The following CTC1 variants were observed in gnomAD, a reference collection of about 807,000 sequenced individuals.
The protein encoded by CTC1 is CST complex subunit CTC1.
In CTC1, 91 loss-of-function variants were observed where a neutral mutation model predicts 136.3. That is an observed-to-expected ratio of 0.67 (90% CI 0.56 to 0.79). The LOEUF (loss-of-function observed/expected upper bound fraction) is 0.79, where lower values mean the gene tolerates loss of function less well. Among genes scored for constraint, CTC1 ranks in the 30% least tolerant of loss-of-function variants. CTC1 has a pLI of 0.00. For synonymous variants in CTC1, 606 were observed against 613.8 expected (o/e 0.99, Z 0.19); for missense variants, 1,432 against 1,498.1 (o/e 0.96, Z 0.73).
intron 20 of CTC1, 103 bp downstream of exon 20, chr17:8,229,039 A>G (rs922437128): frequency 7.4e-6 from 11 of 1,478,268 alleles, no homozygotes; most frequent in Non-Finnish European, 1.0e-5. Flanking sequence ...AAAAATATTA[A>G]GCAATTCTCA....
rs766547481 is a variant in CTC1, at chr17:8,237,606, A to AGTAAGCT, written c.648-94_648-88dup. On this transcript the variant is annotated intron_variant, in intron 4 of 22. Transcript: ENST00000651323. ...CTTGAACCTGAAAGGCAGAGGTTGCAGTAAGCTGAGATCCCGCCATTGGAC... is the reference window on the plus strand; with the variant it reads ...CTTGAACCTGAAAGGCAGAGGTTGCAGTAAGCTGTAAGCTGAGATCCCGCCATTGGAC... 6.8e-4 allele frequency: 700 copies of AGTAAGCT among 1,032,162 alleles called. 3 individuals carry two copies. The highest frequency in any genetic ancestry group is 7.0e-4 in the Non-Finnish European group (510 of 732,932). The allele number at this position is 1,032,162 out of a possible 1,614,324, so 63.9% of individuals were successfully genotyped here.
rs1237219487 is a variant in CTC1 at position 8,230,659 on chromosome 17, G to C, written c.2670-8C>G. 6.2e-7 allele frequency: 1 copy of C among 1,613,036 alleles called. No individual in the cohort carries two copies. Among genetic ancestry groups the C allele is most frequent in the Admixed American group, 1.7e-5 (1 of 60,018 alleles). On this transcript the variant is annotated splice_polypyrimidine_tract_variant and splice_region_variant and intron_variant, in intron 15 of 22. Coordinates refer to ENST00000651323, the MANE Select transcript of CTC1 (RefSeq NM_025099.6). Reference sequence around the variant, plus strand: ...ACCAAGGAATCTGTGAAACTGGAAGGTCAGGGAAATACACTGAGAATGGAG... The same window carrying C: ...ACCAAGGAATCTGTGAAACTGGAAGCTCAGGGAAATACACTGAGAATGGAG...
At position 8,228,000 on chromosome 17, in the gene CTC1, G is replaced by C; in HGVS notation, c.*180C>G. On this transcript the variant is annotated 3_prime_UTR_variant, in exon 23 of 23. Transcript: ENST00000651323. ...ATTAATAGGGCCATGATTTCCTGTTGCCACAATTTTGCCAAGGCAGGCTGG... is the reference window on the plus strand; with the variant it reads ...ATTAATAGGGCCATGATTTCCTGTTCCCACAATTTTGCCAAGGCAGGCTGG... 1.7e-6 allele frequency: 1 copy of C among 604,182 alleles called. No individual in the cohort carries two copies. The highest frequency in any genetic ancestry group is 2.9e-6 in the Non-Finnish European group (1 of 347,794). 37.4% of individuals were successfully genotyped at this position (604,182 alleles called of 1,614,324 possible).
intron 10 of CTC1, among the ~76,000 whole-genome samples, chr17:8,233,709 A>G (rs1987441500): frequency 6.6e-6 from 1 of 152,140 alleles, no homozygotes; most frequent in Non-Finnish European, 1.5e-5. Flanking sequence ...GCAAGGTTGC[A>G]GTGAGCCAAG....
At chr17:8,243,651 G>A (rs1243734028) in intron 1 of CTC1, among the ~76,000 whole-genome samples, 1 of 152,168 alleles carries the variant, frequency 6.6e-6, no homozygotes, top group African/African-American at 2.4e-5. Flanking sequence ...ATCCAGCTTT[G>A]GTCTTGCCCC....
In CTC1 at chr17:8,228,772, T is replaced by G; in HGVS notation, c.3342A>C (p.Pro1114=). The G allele has an allele frequency of 6.2e-7, 1 of 1,614,156 alleles. No individual in the cohort carries two copies. The highest frequency in any genetic ancestry group is 8.5e-7 in the Non-Finnish European group (1 of 1,180,004). ...WASLLDFVQV[P]GRVVLQFAGP... The stretch of plus-strand genomic sequence containing the variant: ...CTGCAAACTGCAAGACCACTCTGCC[T>G]GGCACTTGGACGAAATCTAGGAGGG... Residue 1114 remains proline, a synonymous_variant, in exon 21 of 23, where the codon CCA becomes CCC. Transcript: ENST00000651323.
intron 1 of CTC1, among the ~76,000 whole-genome samples, chr17:8,245,274 G>A (rs552402741): frequency 1.3e-5 from 2 of 152,096 alleles, no homozygotes; most frequent in South Asian, 4.1e-4. Flanking sequence ...ACCTGCGCAC[G>A]TCCCCCTGAA....
chr17:8,232,330 C>T (rs377115565), intron 12 of CTC1, 31 bp downstream of exon 12: 1 of 1,602,456 alleles, frequency 6.2e-7, no homozygotes, highest in African/African-American at 1.3e-5. Context: ...TCCCCCCAGA[C>T]TCAAGACAAC....
At chr17:8,228,924 A>G (rs1301784701) in intron 20 of CTC1, 32 bp from the exon 21 acceptor site, 2 of 1,584,220 alleles carry the variant, frequency 1.3e-6, no homozygotes, top group East Asian at 2.2e-5. Context: ...AAAAACGCCT[A>G]TAGCAACCCA....
At chr17:8,244,529 C>G (rs1165258847) in intron 1 of CTC1, among the ~76,000 whole-genome samples, 1 of 145,642 alleles carries the variant, frequency 6.9e-6, no homozygotes, top group Admixed American at 6.9e-5. Context: ...TCACATTCCT[C>G]TTTTTTTTTT....
At position 8,228,209 on chromosome 17, in the gene CTC1, A is replaced by G; in HGVS notation, c.3625T>C (p.Ser1209Pro). ...LSIRESEYSS[S>P]LGILASSC is the part of the protein sequence containing the mutation. ...CAGGAGGAAGCAAGGATCCCCAGAG[A>G]GCTGGAGTACTCTGACTCTCGGATA... Residue 1209 changes from serine to proline, a missense_variant, in exon 23 of 23, where the codon TCT becomes CCT. By Grantham distance (74) the Ser-to-Pro change is moderately conservative. Coordinates refer to ENST00000651323, the MANE Select transcript of CTC1 (RefSeq NM_025099.6). The G allele has an allele frequency of 1.9e-6, 3 of 1,614,012 alleles. No individual in the cohort carries two copies. The highest frequency in any genetic ancestry group is 1.1e-5 in the South Asian group (1 of 91,078).
rs748695989 is a variant in CTC1, at chr17:8,235,886, G to A, written c.1151C>T (p.Ala384Val). ...ELDGQLGLCL[A>V]YQQFRGLRRV... ...CCTAAGGCCACGGAACTGCTGGTAG[G>A]CAAGGCAGAGCCCCAGCTGCCCATC... The change falls in exon 7 of 23, where the codon GCC (alanine) becomes GTC (valine). Residue 384 changes from alanine (A) to valine (V), a missense_variant. Physicochemically the swap from Ala to Val is moderately conservative, Grantham distance 64 (BLOSUM62 0). Coordinates refer to ENST00000651323, the MANE Select transcript of CTC1 (RefSeq NM_025099.6). The A allele has an allele frequency of 2.5e-6, 4 of 1,613,792 alleles. No homozygotes were observed. The South Asian group carries it at 3.3e-5, about 13-fold the overall frequency.
rs1986878313 is a variant in CTC1, at chr17:8,228,198, G to A, written c.3636C>T (p.Ile1212=). The change falls in exon 23 of 23, where the codon ATC becomes ATT. Residue 1212 remains isoleucine (I), a synonymous_variant. Transcript: ENST00000651323. ...RESEYSSSLG[I]LASSC Reference sequence around the variant, plus strand: ...AGTTCAGTTAACAGGAGGAAGCAAGGATCCCCAGAGAGCTGGAGTACTCTG... The same window carrying A: ...AGTTCAGTTAACAGGAGGAAGCAAGAATCCCCAGAGAGCTGGAGTACTCTG... The A allele has an allele frequency of 6.2e-7, 1 of 1,614,040 alleles. No individual in the cohort carries two copies. The highest frequency in any genetic ancestry group is 1.3e-5 in the African/African-American group (1 of 75,012).
Position 8,244,769 on chromosome 17 carries a change from C to T in CTC1, c.34-1621G>A, listed in dbSNP as rs902520435. On this transcript the variant is annotated intron_variant, in intron 1 of 22. Coordinates refer to ENST00000651323, the MANE Select transcript of CTC1 (RefSeq NM_025099.6). ...TTCGAACTCCTGAACTCAAGTGATCCGCCCGCCTCAGCCTCCCAAAGTGCC... is the reference window on the plus strand; with the variant it reads ...TTCGAACTCCTGAACTCAAGTGATCTGCCCGCCTCAGCCTCCCAAAGTGCC... Among the ~76,000 whole-genome samples, 9 of 152,168 alleles carry T rather than the reference C, an allele frequency of 5.9e-5. No individual in the cohort carries two copies. The East Asian group carries it at 1.4e-3, about 23-fold the overall frequency.
In CTC1 at chr17:8,227,099, A is replaced by G. The variant is rs529433541; in HGVS notation, c.*1081T>C. 2.0e-5 allele frequency: 3 copies of G among 150,686 alleles called. No homozygotes were observed. In the South Asian group the frequency reaches 6.2e-4, roughly 31 times the overall value. The allele number at this position is 150,686 out of a possible 1,614,324, so 9.3% of individuals were successfully genotyped here. A position where few individuals can be genotyped will look rare whatever the true frequency, so the allele number is the denominator to read the frequency against. On this transcript the variant is annotated 3_prime_UTR_variant, in exon 23 of 23. Transcript: ENST00000651323. ...CCGGGTCTACTTCAAATCTTAATAT[A>G]GGGTATTGCTACCATAAAAGCAGCA...
chr17:8,235,722 C>G, intron 7 of CTC1, 109 bp downstream of exon 7: 1 of 1,279,288 alleles, frequency 7.8e-7, no homozygotes, highest in South Asian at 1.6e-5. Flanking sequence ...CTAACACACA[C>G]TTTTAATTTC....
At chr17:8,245,474 C>A (rs912855682) in intron 1 of CTC1, among the ~76,000 whole-genome samples, 4 of 152,166 alleles carry the variant, frequency 2.6e-5, no homozygotes, top group Admixed American at 2.0e-4. Context: ...CCGACTCTCA[C>A]GCTTTTTGTC....
intron 2 of CTC1, 130 bp downstream of exon 2, chr17:8,242,855 G>A: frequency 1.5e-6 from 1 of 672,544 alleles, no homozygotes; most frequent in Non-Finnish European, 2.3e-6. Flanking sequence ...TGCAGAAGGG[G>A]TATGTTTAGA....
chr17:8,245,100 G>A (rs969806376), intron 1 of CTC1, among the ~76,000 whole-genome samples: 3 of 152,002 alleles, frequency 2.0e-5, no homozygotes, highest in Non-Finnish European at 2.9e-5. Flanking sequence ...GCTAAATAAC[G>A]AGAACACGTG....
Sources: gnomAD v4.1 joint callset for allele counts (sites outside exome capture counted in the v4.1 genomes callset) on GRCh38, gnomAD v4.1.1 for gene constraint, MANE v1.5 for transcripts, NCBI Gene and HGNC (gene_info 2026-07-23, HGNC 2026-07-21) for gene names.